The following XRN1 variants were observed in gnomAD, a reference collection of about 807,000 sequenced individuals.
The protein encoded by XRN1 is strand-exchange protein 1 homolog.
XRN1 carries 67 observed loss-of-function variants against 222.3 expected under a neutral mutation model. That is an observed-to-expected ratio of 0.30 (90% CI 0.25 to 0.37). The LOEUF (loss-of-function observed/expected upper bound fraction) is 0.37. XRN1 is among the 10% of genes least tolerant of loss of function. The pLI is 1.00. For synonymous variants in XRN1, 643 were observed against 652.4 expected (o/e 0.99, Z 0.22); for missense variants, 1,707 against 2,000.2 (o/e 0.85, Z 2.80).
chr3:142,364,934 T>TA, intron 29 of XRN1, 113 bp downstream of exon 29: 3 of 1,135,830 alleles, frequency 2.6e-6, no homozygotes, highest in Non-Finnish European at 3.6e-6. Context: ...ATAAAAAGAT[T>TA]GTTTGTTCCT....
intron 1 of XRN1, among the ~76,000 whole-genome samples, chr3:142,436,531 G>C (rs1023555553): frequency 1.3e-5 from 2 of 152,084 alleles, no homozygotes; most frequent in Non-Finnish European, 2.9e-5. Context: ...GTGTATCTTT[G>C]ACCCAGGATT....
chr3:142,312,288 G>GAATAAT (rs540773237), intron 40 of XRN1, among the ~76,000 whole-genome samples: 1 of 151,608 alleles, frequency 6.6e-6, no homozygotes, highest in African/African-American at 2.4e-5. Flanking sequence ...CCAAAAAAAT[G>GAATAAT]AATAATAATA....
rs2065026172 is a variant in XRN1 at position 142,309,097 on chromosome 3, C to G, written c.*2414G>C. The G allele has an allele frequency of 6.6e-6, 1 of 152,092 alleles. No individual in the cohort carries two copies. Among genetic ancestry groups the G allele is most frequent in the Non-Finnish European group, 1.5e-5 (1 of 68,048 alleles). 9.4% of individuals were successfully genotyped at this position (152,092 alleles called of 1,614,324 possible). A position where few individuals can be genotyped will look rare whatever the true frequency, so the allele number is the denominator to read the frequency against. Reference sequence around the variant, plus strand: ...CCTCAGGCCCACATTTAGAATGGGTCTACAGGGGGAAAAGAATAGAGAATG... The same window carrying G: ...CCTCAGGCCCACATTTAGAATGGGTGTACAGGGGGAAAAGAATAGAGAATG... On this transcript the variant is annotated 3_prime_UTR_variant, in exon 41 of 41. Coordinates refer to ENST00000392981, the MANE Select transcript of XRN1 (RefSeq NM_001282857.2).
Position 142,414,160 on chromosome 3 carries a change from T to C in XRN1, c.1568A>G (p.Lys523Arg). Reference protein sequence around the residue: ...QLLAVLPAASKNLLPACYQHL... With the variant: ...QLLAVLPAASRNLLPACYQHL... ...CTGGTAGCATGCAGGAAGTAAATTT[T>C]TGCTGGCTGCTGGAAGTACAGCAAG... Residue 523 changes from lysine to arginine, a missense_variant, in exon 14 of 41, where the codon AAA becomes AGA. Coordinates refer to ENST00000392981, the MANE Select transcript of XRN1 (RefSeq NM_001282857.2). 1 of 1,612,822 alleles carries C rather than the reference T, an allele frequency of 6.2e-7. No homozygotes were observed. The highest frequency in any genetic ancestry group is 8.5e-7 in the Non-Finnish European group (1 of 1,179,428).
Position 142,380,171 on chromosome 3 carries a change from A to T in XRN1, c.2626T>A (p.Ser876Thr), listed in dbSNP as rs2067260230. 1.9e-6 allele frequency: 3 copies of T among 1,613,456 alleles called. No homozygotes were observed. Among genetic ancestry groups the T allele is most frequent in the Non-Finnish European group, 2.5e-6 (3 of 1,179,808 alleles). Reference protein sequence around the residue: ...YYGCTGEVQDSGDVITEGRIR... With the variant: ...YYGCTGEVQDTGDVITEGRIR... ...CTACCTTCTGTAATCACATCACCTGAATCCTGAACCTTAGAAGAAAAAAAA... is the reference window on the plus strand; with the variant it reads ...CTACCTTCTGTAATCACATCACCTGTATCCTGAACCTTAGAAGAAAAAAAA... Residue 876 changes from serine to threonine, a missense_variant, in exon 23 of 41, where the codon TCA becomes ACA. Ser to Thr is a moderately conservative substitution (Grantham distance 58). This residue lies in a region of XRN1 where 1,234 missense variants were observed against 1,518.2 expected (regional missense o/e 0.81). Transcript: ENST00000392981.
At chr3:142,387,329 G>A (rs2067542570) in intron 20 of XRN1, among the ~76,000 whole-genome samples, 1 of 152,180 alleles carries the variant, frequency 6.6e-6, no homozygotes, top group South Asian at 2.1e-4. Flanking sequence ...TGGGGAGGGA[G>A]CAGCGGATGG....
intron 20 of XRN1, among the ~76,000 whole-genome samples, chr3:142,394,815 TG>T (rs1387287821): frequency 6.6e-6 from 1 of 152,222 alleles, no homozygotes; most frequent in Non-Finnish European, 1.5e-5. Context: ...TATCTCTTAC[TG>T]GTGATTTTCA....
At chr3:142,313,518 C>A (rs1486381130) in intron 39 of XRN1, among the ~76,000 whole-genome samples, 1 of 152,132 alleles carries the variant, frequency 6.6e-6, no homozygotes, top group Non-Finnish European at 1.5e-5. Context: ...TTCAAGGCAC[C>A]AGCACACGCC....
intron 21 of XRN1, 40 bp downstream of exon 21, chr3:142,384,483 G>C: frequency 6.7e-7 from 1 of 1,490,848 alleles, no homozygotes; most frequent in South Asian, 1.2e-5. Flanking sequence ...TGTATTAATA[G>C]TGTATATTAA....
intron 15 of XRN1, among the ~76,000 whole-genome samples, chr3:142,405,961 G>C (rs2068320071): frequency 6.6e-6 from 1 of 152,078 alleles, no homozygotes; most frequent in South Asian, 2.1e-4. Flanking sequence ...TTAAGTAAAA[G>C]ATAATGTATA....
intron 39 of XRN1, 69 bp downstream of exon 39, chr3:142,318,523 G>C: frequency 7.3e-7 from 1 of 1,364,712 alleles, no homozygotes; most frequent in South Asian, 1.3e-5. Context: ...GTACATTCTT[G>C]ATTTCTTAAA....
chr3:142,360,560 A>T (rs555596200), intron 29 of XRN1, among the ~76,000 whole-genome samples: 64 of 148,030 alleles, frequency 4.3e-4, no homozygotes, highest in East Asian at 2.2e-3. Context: ...GTACTTTTTT[A>T]AAAAAAAAAA....
At chr3:142,328,501 C>A (rs1256607552) in intron 37 of XRN1, among the ~76,000 whole-genome samples, 2 of 150,954 alleles carry the variant, frequency 1.3e-5, no homozygotes, top group Non-Finnish European at 3.0e-5. Context: ...AGAAAATATA[C>A]TTGATTGAAT....
chr3:142,323,997 C>G (rs2065439154), intron 37 of XRN1, among the ~76,000 whole-genome samples: 2 of 151,694 alleles, frequency 1.3e-5, no homozygotes, highest in South Asian at 4.2e-4. Context: ...TCCATCACCT[C>G]AAGTATTTAT....
At position 142,323,867 on chromosome 3, in the gene XRN1, T is replaced by TCTA. The variant is rs200493550; in HGVS notation, c.4405-4965_4405-4964insTAG. Among the ~76,000 whole-genome samples the TCTA allele has an allele frequency of 7.5e-3, 778 of 103,474 alleles. 9 individuals carry two copies. Among genetic ancestry groups the TCTA allele is most frequent in the African/African-American group, 0.022 (757 of 35,078 alleles). The allele number at this position is 103,474 out of a possible 152,430, so 67.9% of individuals were successfully genotyped here. A position where few individuals can be genotyped will look rare whatever the true frequency, so the allele number is the denominator to read the frequency against. Reference sequence around the variant, plus strand: ...TTTAAGTAGTTAATATTTTTTACTATTTTTTTTTTGTTTCTAGTTTTATGA... The same window carrying TCTA: ...TTTAAGTAGTTAATATTTTTTACTATCTATTTTTTTTTGTTTCTAGTTTTATGA... On this transcript the variant is annotated intron_variant, in intron 37 of 40. Coordinates refer to ENST00000392981, the MANE Select transcript of XRN1 (RefSeq NM_001282857.2).
chr3:142,326,168 T>C (rs776576106), intron 37 of XRN1, among the ~76,000 whole-genome samples: 5 of 152,032 alleles, frequency 3.3e-5, no homozygotes, highest in Admixed American at 6.6e-5. Context: ...TTTTTTTTTT[T>C]TTCTATTTCT....
chr3:142,415,346 A>G lies in XRN1; in HGVS notation c.1437-1055T>C, dbSNP rs566597083. 2.6e-5 allele frequency among the ~76,000 whole-genome samples: 4 copies of G among 152,062 alleles called. No individual in the cohort carries two copies. In the East Asian group the frequency reaches 7.7e-4, roughly 29 times the overall value. The stretch of plus-strand genomic sequence containing the variant: ...GCGTACATTTCAAAAAAAATGGAGG[A>G]GTTTAGGAGGCCAAGTGCCATGTGG... On this transcript the variant is annotated intron_variant, in intron 13 of 40. Transcript: ENST00000392981.
intron 5 of XRN1, among the ~76,000 whole-genome samples, chr3:142,423,978 C>T (rs754934891): frequency 6.8e-4 from 103 of 151,904 alleles, no homozygotes; most frequent in Non-Finnish European, 1.1e-3. Flanking sequence ...AAATTAGAGG[C>T]AGCAGCTTTT....
At chr3:142,316,235 T>TG (rs796392329) in intron 39 of XRN1, among the ~76,000 whole-genome samples, 6 of 147,976 alleles carry the variant, frequency 4.1e-5, no homozygotes, top group Non-Finnish European at 7.4e-5. Context: ...TTTTTTTTTT[T>TG]GAGACAGGTC....
Sources: gnomAD v4.1 joint callset for allele counts (sites outside exome capture counted in the v4.1 genomes callset) on GRCh38, gnomAD v4.1.1 for gene constraint, gnomAD v4.1.1 regional missense constraint, MANE v1.5 for transcripts, NCBI Gene and HGNC (gene_info 2026-07-23, HGNC 2026-07-21) for gene names.